The following PRKAR1B variants were observed in gnomAD, a reference collection of about 807,000 sequenced individuals.
PRKAR1B encodes protein kinase cAMP-dependent type I regulatory subunit beta.
A neutral mutation model predicts 46.5 loss-of-function variants in PRKAR1B; 22 were observed. The observed-to-expected ratio is 0.47, with a 90% confidence interval of 0.34 to 0.68. The LOEUF (loss-of-function observed/expected upper bound fraction) is 0.68, where lower values mean the gene tolerates loss of function less well. Ranked by LOEUF, PRKAR1B falls within the 30% of genes least tolerant of loss-of-function variation. The pLI, the probability that PRKAR1B is intolerant of heterozygous loss-of-function variation, is 0.01. For synonymous variants in PRKAR1B, 259 were observed against 217.7 expected, an observed-to-expected ratio of 1.19 and a Z score of -1.67; for missense variants, 445 against 535.6, an observed-to-expected ratio of 0.83 and a Z score of 1.67.
At chr7:696,668 G>A (rs1006907123) in intron 2 of PRKAR1B, 1 of 152,224 alleles carries the variant, frequency 6.6e-6, no homozygotes. Context: ...CAAGGACCCT[G>A]GGCTCTCCCT....
At chr7:673,989 G>A (rs1259962220) in intron 4 of PRKAR1B, among the ~76,000 whole-genome samples, 1 of 152,168 alleles carries the variant, frequency 6.6e-6, no homozygotes, top group Admixed American at 6.5e-5. Context: ...CCTTCTGTGT[G>A]TGGCATCTCC....
At chr7:561,132 A>AACAC (rs35193364) in intron 9 of PRKAR1B, among the ~76,000 whole-genome samples, 16 of 146,666 alleles carry the variant, frequency 1.1e-4, no homozygotes, top group African/African-American at 4.0e-4. Context: ...CAGGCACACA[A>AACAC]ACACACACAC....
intron 7 of PRKAR1B, among the ~76,000 whole-genome samples, chr7:589,944 C>T (rs951426996): frequency 9.2e-5 from 14 of 152,238 alleles, no homozygotes; most frequent in Admixed American, 5.9e-4. Context: ...AGCCCACGGC[C>T]CTGTGAGGGT....
chr7:710,588 G>A (rs1780568548), intron 2 of PRKAR1B, among the ~76,000 whole-genome samples: 1 of 151,850 alleles, frequency 6.6e-6, no homozygotes, highest in Non-Finnish European at 1.5e-5. Flanking sequence ...AGATCAACGT[G>A]GAATTCGACC....
At chr7:565,867 C>G (rs1156809801) in intron 9 of PRKAR1B, among the ~76,000 whole-genome samples, 2 of 152,128 alleles carry the variant, frequency 1.3e-5, no homozygotes, top group African/African-American at 2.4e-5. Context: ...ATAATATAAA[C>G]CTATCCAGAA....
At chr7:615,669 C>CAA (rs547474752) in intron 4 of PRKAR1B, among the ~76,000 whole-genome samples, 6 of 146,582 alleles carry the variant, frequency 4.1e-5, no homozygotes, top group African/African-American at 7.5e-5. Context: ...ACTAAAAATA[C>CAA]AAAAAAAAAT....
chr7:717,579 A>G (rs770929224), intron 1 of PRKAR1B, among the ~76,000 whole-genome samples: 6 of 151,986 alleles, frequency 3.9e-5, no homozygotes, highest in Admixed American at 6.6e-5. Context: ...GATCACCTGA[A>G]CACAAGAGTT....
rs571089882 is a variant in PRKAR1B, at chr7:632,814, G to A, written c.441-25362C>T. Among the ~76,000 whole-genome samples the A allele has an allele frequency of 9.2e-5, 14 of 151,520 alleles. No individual in the cohort carries two copies. The East Asian group carries it at 2.0e-3, about 21-fold the overall frequency. ...CAGGAGGATTCCGTGGGCCACACCC[G>A]CAACAGGTCTGGGACTCTACGGGGC... On this transcript the variant is annotated intron_variant, in intron 4 of 10. Transcript: ENST00000537384.
At chr7:599,237 G>A (rs1388268207) in intron 6 of PRKAR1B, among the ~76,000 whole-genome samples, 1 of 152,192 alleles carries the variant, frequency 6.6e-6, no homozygotes, top group Non-Finnish European at 1.5e-5. Flanking sequence ...GCGCAGTGCG[G>A]GCCCCACCCC....
At chr7:589,856 G>C (rs999667563) in intron 7 of PRKAR1B, among the ~76,000 whole-genome samples, 3 of 152,248 alleles carry the variant, frequency 2.0e-5, no homozygotes, top group Non-Finnish European at 2.9e-5. Flanking sequence ...AGCATGCAAC[G>C]TGCCCAGGCT....
intron 6 of PRKAR1B, 34 bp from the exon 7 acceptor site, chr7:596,338 G>A (rs537705356): frequency 6.9e-6 from 11 of 1,585,178 alleles, no homozygotes; most frequent in Non-Finnish European, 9.5e-6. Context: ...TGTCACGGGG[G>A]CCAGGCAGGG....
At chr7:660,548 G>A (rs538017865) in intron 4 of PRKAR1B, among the ~76,000 whole-genome samples, 221 of 55,916 alleles carry the variant, frequency 4.0e-3, no homozygotes, top group South Asian at 6.2e-3. Context: ...CCACCCCAAC[G>A]GGTCCAAATA....
intron 4 of PRKAR1B, among the ~76,000 whole-genome samples, chr7:675,585 A>C (rs1182220234): frequency 6.6e-6 from 1 of 152,248 alleles, no homozygotes; most frequent in Non-Finnish European, 1.5e-5. Context: ...CAAGGAATTT[A>C]TCTCAAAGAA....
chr7:622,620 C>T (rs754238824), intron 4 of PRKAR1B, among the ~76,000 whole-genome samples: 31 of 152,106 alleles, frequency 2.0e-4, no homozygotes, highest in Admixed American at 3.9e-4. Context: ...AGTCAGGACA[C>T]GGGTTGTTAT....
chr7:612,596 A>G (rs559472720), intron 4 of PRKAR1B, among the ~76,000 whole-genome samples: 1 of 152,278 alleles, frequency 6.6e-6, no homozygotes, highest in Admixed American at 6.5e-5. Context: ...ATGGGTGGCT[A>G]TTAGAGGAGA....
chr7:576,680 C>G (rs1035724438), intron 9 of PRKAR1B, among the ~76,000 whole-genome samples: 1 of 151,598 alleles, frequency 6.6e-6, no homozygotes, highest in East Asian at 1.9e-4. Flanking sequence ...CCCGGCATCT[C>G]GGATGCCCCA....
At chr7:568,700 G>A (rs981651246) in intron 9 of PRKAR1B, among the ~76,000 whole-genome samples, 1 of 152,276 alleles carries the variant, frequency 6.6e-6, no homozygotes. Context: ...GATTTGTCCA[G>A]AACTGCGCAT....
At chr7:622,732 G>A (rs1000612326) in intron 4 of PRKAR1B, among the ~76,000 whole-genome samples, 1 of 152,160 alleles carries the variant, frequency 6.6e-6, no homozygotes, top group South Asian at 2.1e-4. Flanking sequence ...AGGAGCAGAC[G>A]GGAATGATGA....
intron 8 of PRKAR1B, among the ~76,000 whole-genome samples, chr7:583,811 TGCACACACAC>T (rs1233151359): frequency 1.5e-4 from 21 of 140,902 alleles, no homozygotes; most frequent in South Asian, 2.3e-4. Flanking sequence ...TGCACACTCA[TGCACACACAC>T]GCACACACAC....
Sources: gnomAD v4.1 joint callset for allele counts (sites outside exome capture counted in the v4.1 genomes callset) on GRCh38, gnomAD v4.1.1 for gene constraint, MANE v1.5 for transcripts, NCBI Gene and HGNC (gene_info 2026-07-23, HGNC 2026-07-21) for gene names.